GUCY1A2: variants seen among roughly 807,000 people sequenced by gnomAD.
GUCY1A2 encodes guanylate cyclase soluble subunit alpha-2.
A neutral mutation model predicts 63.5 loss-of-function variants in GUCY1A2; 27 were observed. The ratio of observed to expected loss-of-function variants is 0.43; its 90% CI spans 0.31 to 0.59. The LOEUF (loss-of-function observed/expected upper bound fraction) is 0.59. GUCY1A2 is among the 20% of genes least tolerant of loss of function. The probability of loss-of-function intolerance (pLI) is 0.11; values close to 1 mark genes in which losing one functional copy is unlikely to be tolerated. For synonymous variants in GUCY1A2, 364 were observed against 343.5 expected (o/e 1.06, Z -0.66); for missense variants, 768 against 913.3 (o/e 0.84, Z 2.05).
At chr11:106,855,893 T>TTTTCTTTTTTTTATTATTTATTTA (rs536833371) in intron 4 of GUCY1A2, among the ~76,000 whole-genome samples, 3 of 94,352 alleles carry the variant, frequency 3.2e-5, no homozygotes, top group Non-Finnish European at 6.8e-5. Flanking sequence ...GTCTCTTGTA[T>TTTTCTTTTTTTTATTATTTATTTA]TTTATTTATT....
At chr11:106,736,607 A>G (rs754504485) in intron 6 of GUCY1A2, among the ~76,000 whole-genome samples, 9 of 152,000 alleles carry the variant, frequency 5.9e-5, no homozygotes, top group Non-Finnish European at 1.0e-4. Context: ...GGATTTGGCT[A>G]TTTTGGGTCT....
chr11:106,709,150 A>G (rs1862977066), intron 6 of GUCY1A2, among the ~76,000 whole-genome samples: 1 of 133,714 alleles, frequency 7.5e-6, no homozygotes, highest in South Asian at 2.2e-4. Context: ...TATATATTAT[A>G]TACATGTATA....
At chr11:107,008,994 T>C (rs1268735720) in intron 1 of GUCY1A2, among the ~76,000 whole-genome samples, 2 of 152,348 alleles carry the variant, frequency 1.3e-5, no homozygotes, top group East Asian at 1.9e-4. Flanking sequence ...GTGGACTTTA[T>C]GGACTTACAA....
intron 4 of GUCY1A2, among the ~76,000 whole-genome samples, chr11:106,873,848 G>C (rs1859713726): frequency 6.6e-6 from 1 of 152,032 alleles, no homozygotes; most frequent in African/African-American, 2.4e-5. Context: ...TTCACCAATA[G>C]ACTAGTTTCA....
chr11:106,758,661 A>G (rs979390672), intron 6 of GUCY1A2, among the ~76,000 whole-genome samples: 1 of 152,210 alleles, frequency 6.6e-6, no homozygotes, highest in Admixed American at 6.5e-5. Flanking sequence ...GGTTTCAACA[A>G]CTAGCTTGAG....
At chr11:106,995,330 C>T (rs7110185) in intron 1 of GUCY1A2, among the ~76,000 whole-genome samples, 40,218 of 151,914 alleles carry the variant, frequency 0.26, 5,673 homozygotes, top group East Asian at 0.5. Context: ...AAAAATGAAA[C>T]CCAGAGAAGT....
intron 5 of GUCY1A2, among the ~76,000 whole-genome samples, chr11:106,777,804 A>T (rs536626271): frequency 6.6e-6 from 1 of 152,274 alleles, no homozygotes; most frequent in African/African-American, 2.4e-5. Context: ...TGTTCTGCAC[A>T]TGTACCCCAG....
At chr11:106,958,106 T>C (rs1329667234) in intron 3 of GUCY1A2, among the ~76,000 whole-genome samples, 1 of 152,158 alleles carries the variant, frequency 6.6e-6, no homozygotes, top group Admixed American at 6.5e-5. Context: ...TTTTACAGCA[T>C]TCACAAGCAA....
At chr11:106,930,498 C>T (rs575572592) in intron 4 of GUCY1A2, among the ~76,000 whole-genome samples, 1 of 152,286 alleles carries the variant, frequency 6.6e-6, no homozygotes, top group Non-Finnish European at 1.5e-5. Context: ...TCTGTGCTTG[C>T]TCAAGGATGA....
At position 106,683,475 on chromosome 11, in the gene GUCY1A2, C is replaced by A. The variant is rs555129368; in HGVS notation, c.*4074G>T. 4.4e-6 allele frequency: 1 copy of A among 227,456 alleles called. No homozygotes were observed. Among genetic ancestry groups the A allele is most frequent in the Admixed American group, 5.7e-5 (1 of 17,526 alleles). 14.1% of individuals were successfully genotyped at this position (227,456 alleles called of 1,614,324 possible). A position where few individuals can be genotyped will look rare whatever the true frequency, so the allele number is the denominator to read the frequency against. ...GTGAAGCTGCAGATATAATCAATGC[C>A]CCGGCACATCCAGTTCATTACTACA... is the stretch of plus-strand genomic sequence containing the variant. On this transcript the variant is annotated 3_prime_UTR_variant, in exon 8 of 8. Coordinates refer to ENST00000526355, the MANE Select transcript of GUCY1A2 (RefSeq NM_000855.3).
intron 6 of GUCY1A2, 100 bp from the exon 7 acceptor site, chr11:106,708,766 A>AT: frequency 1.4e-6 from 1 of 722,434 alleles, no homozygotes; most frequent in Non-Finnish European, 2.1e-6. Context: ...TAATAATAAA[A>AT]AAAAACTATG....
chr11:106,743,271 G>T (rs1863729652), intron 6 of GUCY1A2, among the ~76,000 whole-genome samples: 1 of 152,096 alleles, frequency 6.6e-6, no homozygotes, highest in Admixed American at 6.5e-5. Flanking sequence ...CTACCAGAGA[G>T]GTACCTTCCC....
At chr11:106,913,986 C>CAAAAAAAAA (rs11325847) in intron 4 of GUCY1A2, among the ~76,000 whole-genome samples, 72 of 71,026 alleles carry the variant, frequency 1.0e-3, no homozygotes, top group African/African-American at 1.4e-3. Context: ...AATGAAAAAG[C>CAAAAAAAAA]AAAAAAAAAA....
Position 106,940,008 on chromosome 11 carries a change from G to C in GUCY1A2, c.658C>G (p.Leu220Val). 1 of 1,614,038 alleles carries C rather than the reference G, an allele frequency of 6.2e-7. No individual in the cohort carries two copies. The highest frequency in any genetic ancestry group is 1.3e-5 in the African/African-American group (1 of 75,032). The stretch of plus-strand genomic sequence containing the variant: ...TTGCATAGGAAAGATGGTGACTCCA[G>C]AGTGGCCTGTTTTCCAAAAGAAGTT... ...IRTSFGKQAT[L>V]ESPSFLCKEL... Residue 220 changes from leucine to valine, a missense_variant, in exon 4 of 8, where the codon CTG becomes GTG. By Grantham distance (32) the Leu-to-Val change is conservative. Coordinates refer to ENST00000526355, the MANE Select transcript of GUCY1A2 (RefSeq NM_000855.3).
At chr11:106,807,317 A>G (rs1439264603) in intron 5 of GUCY1A2, among the ~76,000 whole-genome samples, 1 of 152,200 alleles carries the variant, frequency 6.6e-6, no homozygotes, top group African/African-American at 2.4e-5. Flanking sequence ...TATTTTCTAG[A>G]AAATACACTA....
intron 6 of GUCY1A2, among the ~76,000 whole-genome samples, chr11:106,715,915 A>T (rs566337271): frequency 1.3e-4 from 20 of 152,360 alleles, no homozygotes; most frequent in African/African-American, 3.8e-4. Flanking sequence ...AAGTTAAAGT[A>T]TAAAAGAGGG....
chr11:106,960,000 G>A (rs77932971), intron 3 of GUCY1A2, among the ~76,000 whole-genome samples: 4,755 of 151,822 alleles, frequency 0.031, 119 homozygotes, highest in Non-Finnish European at 0.046. Context: ...TCTGTTTCCT[G>A]GGGAACTAGA....
At chr11:106,934,848 T>C (rs914524858) in intron 4 of GUCY1A2, among the ~76,000 whole-genome samples, 2 of 152,136 alleles carry the variant, frequency 1.3e-5, no homozygotes, top group South Asian at 2.1e-4. Flanking sequence ...TAAAAAAAAA[T>C]GTCAAAAGAA....
chr11:106,832,010 T>G (rs1016522392), intron 4 of GUCY1A2, among the ~76,000 whole-genome samples: 17 of 152,146 alleles, frequency 1.1e-4, no homozygotes, highest in African/African-American at 4.1e-4. Flanking sequence ...TACTTCCCAT[T>G]TTTAGGTTCT....
Sources: allele counts gnomAD v4.1 joint callset (sites outside exome capture counted in the v4.1 genomes callset), GRCh38; gene constraint gnomAD v4.1.1; transcripts MANE v1.5; gene names NCBI Gene and HGNC (gene_info 2026-07-23, HGNC 2026-07-21).